Variants in MSH3 observed in about 807,000 individuals in gnomAD.
MSH3 encodes the protein DNA mismatch repair protein Msh3.
MSH3 carries 106 observed loss-of-function variants against 123.3 expected under a neutral mutation model. The observed-to-expected ratio is 0.86, with a 90% CI of 0.73 to 1.01. The LOEUF is 1.01. Ranked by LOEUF, MSH3 falls within the 50% of genes least tolerant of loss-of-function variation. MSH3 has a pLI of 0.00. For missense variants in MSH3, 1,459 were observed against 1,347.6 expected (o/e 1.08, Z -1.29); for synonymous variants, 515 against 481.4 (o/e 1.07, Z -0.91).
intron 8 of MSH3, 100 bp downstream of exon 8, chr5:80,679,193 C>A: frequency 2.4e-6 from 3 of 1,260,430 alleles, no homozygotes; most frequent in South Asian, 2.5e-5. Flanking sequence ...TTTTTACTTA[C>A]AAAAATTATA....
Position 80,787,473 on chromosome 5 carries a change from A to G in MSH3, c.2436-92A>G, listed in dbSNP as rs1744528764. 7.2e-6 allele frequency: 6 copies of G among 828,962 alleles called. No individual in the cohort carries two copies. The Middle Eastern group carries it at 7.2e-4, about 100-fold the overall frequency. 51.4% of individuals were successfully genotyped at this position (828,962 alleles called of 1,614,324 possible). ...GCCTGCTGATCATCTGTATGCTTAC[A>G]CTAGCTGATAAAGTGATTGCTTGTT... is the stretch of plus-strand genomic sequence containing the variant. On this transcript the variant is annotated intron_variant, in intron 17 of 23. Coordinates refer to ENST00000265081, the MANE Select transcript of MSH3 (RefSeq NM_002439.5).
In MSH3 at chr5:80,654,754, C is replaced by T. The variant is rs1749188036; in HGVS notation, c.27C>T (p.Gly9=). 1 of 1,602,304 alleles carries T rather than the reference C, an allele frequency of 6.2e-7. No individual in the cohort carries two copies. Among genetic ancestry groups the T allele is most frequent in the Non-Finnish European group, 8.5e-7 (1 of 1,176,012 alleles). Residue 9 remains glycine, a synonymous_variant, in exon 1 of 24, where the codon GGC becomes GGT. Coordinates refer to ENST00000265081, the MANE Select transcript of MSH3 (RefSeq NM_002439.5). MSRRKPAS[G]GLAASSSAPA... ...TGTCTCGCCGGAAGCCTGCGTCGGG[C>T]GGCCTCGCTGCCTCCAGCTCAGCCC...
chr5:80,818,518 A>C (rs186192491), intron 20 of MSH3, among the ~76,000 whole-genome samples: 3 of 152,186 alleles, frequency 2.0e-5, no homozygotes, highest in Admixed American at 2.0e-4. Context: ...ATCCTGACTC[A>C]AACACATAAA....
At chr5:80,862,217 C>T (rs1746025342) in intron 21 of MSH3, among the ~76,000 whole-genome samples, 1 of 152,032 alleles carries the variant, frequency 6.6e-6, no homozygotes, top group African/African-American at 2.4e-5. Flanking sequence ...GTCCTAAGAT[C>T]CCTCGGGGCA....
intron 2 of MSH3, among the ~76,000 whole-genome samples, chr5:80,662,643 A>G (rs1245627379): frequency 1.3e-5 from 2 of 152,130 alleles, no homozygotes; most frequent in Admixed American, 6.6e-5. Context: ...CCTGGCCAAC[A>G]TGATGAAACC....
intron 8 of MSH3, among the ~76,000 whole-genome samples, chr5:80,722,976 G>C (rs900719423): frequency 6.6e-5 from 10 of 152,166 alleles, no homozygotes; most frequent in African/African-American, 2.4e-4. Context: ...GCGTGGTAAT[G>C]CCTATCTGTA....
At chr5:80,712,996 C>T (rs369503484) in intron 8 of MSH3, among the ~76,000 whole-genome samples, 89 of 152,224 alleles carry the variant, frequency 5.8e-4, no homozygotes, top group African/African-American at 1.8e-3. Flanking sequence ...ATGAATTACT[C>T]GGCTTGGAAC....
At chr5:80,692,238 GTA>G (rs1298266306) in intron 8 of MSH3, among the ~76,000 whole-genome samples, 1 of 50,210 alleles carries the variant, frequency 2.0e-5, no homozygotes, top group African/African-American at 8.8e-5. Context: ...AGATAAACAT[GTA>G]TATGTTTAGA....
chr5:80,735,381 C>CAAA (rs58588808), intron 10 of MSH3, among the ~76,000 whole-genome samples: 8 of 59,590 alleles, frequency 1.3e-4, no homozygotes, highest in African/African-American at 3.5e-4. Context: ...GACTTCATCT[C>CAAA]AAAAAAAAAA....
At chr5:80,848,367 T>C (rs1211890192) in intron 20 of MSH3, among the ~76,000 whole-genome samples, 1 of 152,274 alleles carries the variant, frequency 6.6e-6, no homozygotes, top group East Asian at 1.9e-4. Flanking sequence ...CTTCATAGAC[T>C]TTTCTTGTTT....
intron 20 of MSH3, among the ~76,000 whole-genome samples, chr5:80,823,654 C>T (rs917822127): frequency 6.6e-6 from 1 of 151,764 alleles, no homozygotes; most frequent in Non-Finnish European, 1.5e-5. Context: ...AAAAAAAATA[C>T]TGATGCCTGA....
Position 80,677,373 on chromosome 5 carries a change from G to A in MSH3, c.1174-1554G>A, listed in dbSNP as rs565864436. On this transcript the variant is annotated intron_variant, in intron 7 of 23. Transcript: ENST00000265081. Reference sequence around the variant, plus strand: ...TCACACAGGGTGATAGATATTGTGGGTATTACAGTGTAGACCATTTCTCTG... The same window carrying A: ...TCACACAGGGTGATAGATATTGTGGATATTACAGTGTAGACCATTTCTCTG... Among the ~76,000 whole-genome samples the A allele has an allele frequency of 5.9e-5, 9 of 152,248 alleles. No individual in the cohort carries two copies. The South Asian group carries it at 1.7e-3, about 28-fold the overall frequency.
intron 20 of MSH3, among the ~76,000 whole-genome samples, chr5:80,814,334 C>G (rs1205075153): frequency 5.3e-5 from 8 of 152,096 alleles, no homozygotes; most frequent in Non-Finnish European, 1.0e-4. Context: ...TGCAATGGCA[C>G]TATCTCAGCT....
intron 21 of MSH3, among the ~76,000 whole-genome samples, chr5:80,862,245 T>A (rs759588747): frequency 1.3e-5 from 2 of 152,134 alleles, no homozygotes; most frequent in African/African-American, 2.4e-5. Flanking sequence ...AGCACAGCTT[T>A]TTAAAGAAAT....
chr5:80,687,730 T>C (rs1381084399), intron 8 of MSH3, among the ~76,000 whole-genome samples: 1 of 152,170 alleles, frequency 6.6e-6, no homozygotes, highest in Non-Finnish European at 1.5e-5. Context: ...TGAAGGCCTA[T>C]GAAATCCAGC....
At chr5:80,841,292 T>A (rs958981580) in intron 20 of MSH3, among the ~76,000 whole-genome samples, 6 of 152,244 alleles carry the variant, frequency 3.9e-5, no homozygotes, top group Non-Finnish European at 5.9e-5. Flanking sequence ...ATTTTCTTAA[T>A]CCAGTCTATC....
At chr5:80,796,910 G>A (rs530185959) in intron 19 of MSH3, among the ~76,000 whole-genome samples, 1 of 152,230 alleles carries the variant, frequency 6.6e-6, no homozygotes, top group East Asian at 1.9e-4. Context: ...TCTGGAACGT[G>A]CCATGCCACT....
At chr5:80,867,636 C>G (rs531954532) in intron 22 of MSH3, among the ~76,000 whole-genome samples, 55 of 152,264 alleles carry the variant, frequency 3.6e-4, no homozygotes, top group Admixed American at 1.3e-3. Flanking sequence ...TTGAATTAGG[C>G]TACTACTAAT....
intron 21 of MSH3, among the ~76,000 whole-genome samples, chr5:80,856,961 A>G (rs1351539431): frequency 1.3e-5 from 2 of 152,174 alleles, no homozygotes; most frequent in Non-Finnish European, 2.9e-5. Flanking sequence ...AAGAAAGGAT[A>G]TCGTTGCCTT....
Sources: gnomAD v4.1 joint callset for allele counts (sites outside exome capture counted in the v4.1 genomes callset) on GRCh38, gnomAD v4.1.1 for gene constraint, MANE v1.5 for transcripts, NCBI Gene and HGNC (gene_info 2026-07-23, HGNC 2026-07-21) for gene names.